SHANK2: variants seen among roughly 807,000 people sequenced by gnomAD.
SHANK2 encodes SH3 and multiple ankyrin repeat domains protein 2.
SHANK2 carries 43 observed loss-of-function variants against 133.7 expected under a neutral mutation model. The observed-to-expected ratio is 0.32, with a 90% confidence interval of 0.25 to 0.41. The LOEUF (loss-of-function observed/expected upper bound fraction) is 0.41, where lower values mean the gene tolerates loss of function less well. Among genes scored for constraint, SHANK2 ranks in the 10% least tolerant of loss-of-function variants. SHANK2 has a pLI of 1.00. For missense variants in SHANK2, 1,994 were observed against 2,235.8 expected (o/e 0.89, Z 2.18); for synonymous variants, 1,017 against 952.8 (o/e 1.07, Z -1.24).
At chr11:70,488,478 A>G (rs571569555) in intron 24 of SHANK2, among the ~76,000 whole-genome samples, 7 of 152,066 alleles carry the variant, frequency 4.6e-5, no homozygotes, top group Non-Finnish European at 1.0e-4. Flanking sequence ...GGGCCCCACT[A>G]AGGGTTCTAT....
chr11:70,728,515 C>T (rs552432965), intron 14 of SHANK2, among the ~76,000 whole-genome samples: 25 of 152,320 alleles, frequency 1.6e-4, no homozygotes, highest in African/African-American at 5.5e-4. Context: ...TCAAGGAGCC[C>T]CAGATGAAAG....
At chr11:70,493,018 A>C (rs574667594) in intron 21 of SHANK2, among the ~76,000 whole-genome samples, 202 of 147,586 alleles carry the variant, frequency 1.4e-3, no homozygotes, top group Admixed American at 2.3e-3. Flanking sequence ...CTGATCTTGA[A>C]CTCCTGGCCT....
chr11:71,062,926 G>C (rs1951004534), intron 9 of SHANK2, among the ~76,000 whole-genome samples: 1 of 149,710 alleles, frequency 6.7e-6, no homozygotes, highest in East Asian at 2.0e-4. Context: ...GAGCCCAAGA[G>C]GTCGTGGCTG....
chr11:71,095,734 A>C (rs1951598263), intron 6 of SHANK2, among the ~76,000 whole-genome samples: 1 of 152,200 alleles, frequency 6.6e-6, no homozygotes, highest in African/African-American at 2.4e-5. Context: ...TTACTTATCC[A>C]TACATGGGTA....
At chr11:71,093,023 C>T (rs913118738) in intron 7 of SHANK2, among the ~76,000 whole-genome samples, 1 of 118,896 alleles carries the variant, frequency 8.4e-6, no homozygotes, top group South Asian at 2.8e-4. Flanking sequence ...GCCTGGGCAA[C>T]AAGAGCAAAG....
Position 70,663,201 on chromosome 11 carries a change from C to T in SHANK2, c.1854-1523G>A, listed in dbSNP as rs148714339. ...AATTTCAAACAAGGCCATGTGCTGA[C>T]GGACTCTTGGTCCCAGAGGAGTGCG... On this transcript the variant is annotated intron_variant, in intron 15 of 25. Coordinates refer to ENST00000601538, the MANE Select transcript of SHANK2 (RefSeq NM_012309.5). Among the ~76,000 whole-genome samples the T allele has an allele frequency of 4.1e-3, 623 of 152,310 alleles. 2 individuals are homozygous for T. The highest frequency in any genetic ancestry group is 7.6e-3 in the Non-Finnish European group (515 of 68,030).
At chr11:70,803,337 CCCATCCATCCATTTACCTATCCAT>C (rs1948091467) in intron 13 of SHANK2, among the ~76,000 whole-genome samples, 2 of 2,452 alleles carry the variant, frequency 8.2e-4, no homozygotes, top group African/African-American at 1.2e-3. Flanking sequence ...CATCCATCTA[CCCATCCATCCATTTACCTATCCAT>C]CCATCCATCC....
At chr11:70,519,125 G>C (rs2059299722) in intron 17 of SHANK2, among the ~76,000 whole-genome samples, 1 of 152,050 alleles carries the variant, frequency 6.6e-6, no homozygotes, top group South Asian at 2.1e-4. Context: ...TGGCCAGGCT[G>C]GTCTTGAACT....
At chr11:70,759,983 T>C (rs1453572693) in intron 14 of SHANK2, among the ~76,000 whole-genome samples, 6 of 152,240 alleles carry the variant, frequency 3.9e-5, no homozygotes, top group Non-Finnish European at 5.9e-5. Context: ...GACACCTTGA[T>C]TTCAGACTTC....
chr11:70,638,171 A>C (rs2061130415), intron 17 of SHANK2, among the ~76,000 whole-genome samples: 1 of 152,258 alleles, frequency 6.6e-6, no homozygotes, highest in Admixed American at 6.5e-5. Context: ...TGCACTGCTC[A>C]GAGCAGGAGC....
At chr11:70,821,644 C>T (rs1023472707) in intron 11 of SHANK2, among the ~76,000 whole-genome samples, 3 of 152,084 alleles carry the variant, frequency 2.0e-5, no homozygotes, top group East Asian at 3.9e-4. Context: ...AGGCTGGTCT[C>T]GAACTCCCGA....
intron 3 of SHANK2, among the ~76,000 whole-genome samples, chr11:71,145,901 C>T (rs1952634017): frequency 6.6e-6 from 1 of 152,206 alleles, no homozygotes; most frequent in African/African-American, 2.4e-5. Flanking sequence ...ATTCCTTTAA[C>T]CCAAAGCTAA....
chr11:70,651,597 G>C (rs1396762359), intron 17 of SHANK2, among the ~76,000 whole-genome samples: 3 of 152,190 alleles, frequency 2.0e-5, no homozygotes, highest in African/African-American at 7.2e-5. Context: ...GCCTTAGAGA[G>C]TAAAGGCCCC....
chr11:71,185,090 C>G (rs1162912045), intron 2 of SHANK2, among the ~76,000 whole-genome samples: 1 of 152,182 alleles, frequency 6.6e-6, no homozygotes, highest in Non-Finnish European at 1.5e-5. Context: ...GGTGCTCTCC[C>G]CACCAGGGGT....
chr11:70,863,499 T>A (rs1555068341), intron 11 of SHANK2: 1 of 457,830 alleles, frequency 2.2e-6, no homozygotes, highest in Non-Finnish European at 4.4e-6. Flanking sequence ...GTTTTCCTTA[T>A]CTCTAGGACT....
chr11:71,195,370 T>C (rs4497435), intron 2 of SHANK2, among the ~76,000 whole-genome samples: 59,742 of 151,570 alleles, frequency 0.39, 15,489 homozygotes, highest in African/African-American at 0.72. Context: ...CCAGCCTGGG[T>C]GACAGAGCGA....
In SHANK2 at chr11:71,175,483, G is replaced by C. The variant is rs1953413041; in HGVS notation, c.-12-28145C>G. Among the ~76,000 whole-genome samples, 1 of 150,986 alleles carries C rather than the reference G, an allele frequency of 6.6e-6. No individual in the cohort carries two copies. The highest frequency in any genetic ancestry group is 1.5e-5 in the Non-Finnish European group (1 of 67,844). On this transcript the variant is annotated intron_variant, in intron 2 of 25. Coordinates refer to ENST00000601538, the MANE Select transcript of SHANK2 (RefSeq NM_012309.5). The surrounding 1 kb of genome is among the most constrained non-coding windows in gnomAD (Gnocchi z 4.2). ...GAGAAATAGACCAAGGCTGGTGAAA[G>C]AGAAGTGGGGACAAAAAAGGCAGAG...
At chr11:70,712,279 C>T (rs901629388) in intron 14 of SHANK2, among the ~76,000 whole-genome samples, 1 of 152,194 alleles carries the variant, frequency 6.6e-6, no homozygotes, top group African/African-American at 2.4e-5. Flanking sequence ...TGGGGTCACA[C>T]TGAACCCATC....
At chr11:70,760,338 C>T (rs1335434531) in intron 14 of SHANK2, among the ~76,000 whole-genome samples, 1 of 152,218 alleles carries the variant, frequency 6.6e-6, no homozygotes, top group Non-Finnish European at 1.5e-5. Flanking sequence ...TCCCAGCTCA[C>T]AGGTTGTAAC....
Sources: allele counts gnomAD v4.1 joint callset (sites outside exome capture counted in the v4.1 genomes callset), GRCh38; gene constraint gnomAD v4.1.1; non-coding constraint Gnocchi (gnomAD v3.1); transcripts MANE v1.5; gene names NCBI Gene and HGNC (gene_info 2026-07-23, HGNC 2026-07-21).